Variants in SOBP observed in about 807,000 individuals in gnomAD.
SOBP encodes sine oculis-binding protein homolog.
In SOBP, 4 loss-of-function variants were observed where a neutral mutation model predicts 53.6. The observed-to-expected ratio is 0.07, with a 90% confidence interval of 0.04 to 0.17. The LOEUF (loss-of-function observed/expected upper bound fraction) is 0.17. Among genes scored for constraint, SOBP ranks in the 10% least tolerant of loss-of-function variants. The probability of loss-of-function intolerance (pLI) is 1.00; values close to 1 mark genes in which losing one functional copy is unlikely to be tolerated. For missense variants in SOBP, 1,088 were observed against 1,204.7 expected (o/e 0.90, Z 1.43); for synonymous variants, 584 against 522.6 (o/e 1.12, Z -1.60).
chr6:107,587,024 C>G (rs963426376), intron 4 of SOBP, 56 bp from the exon 5 acceptor site: 1 of 1,342,184 alleles, frequency 7.5e-7, no homozygotes, highest in African/African-American at 1.4e-5. Context: ...TGCTTTTTAG[C>G]TTTTTTTCTT....
chr6:107,654,586 A>G (rs1739880), intron 6 of SOBP, among the ~76,000 whole-genome samples: 21,988 of 152,250 alleles, frequency 0.14, 3,216 homozygotes, highest in African/African-American at 0.34. Context: ...CATATTTGAT[A>G]CTGGATTTTG....
rs1409262845 is a variant in SOBP at position 107,634,395 on chromosome 6, G to A, written c.1551G>A (p.Leu517=). The A allele has an allele frequency of 5.0e-6, 8 of 1,600,592 alleles. No homozygotes were observed. In the South Asian group the frequency reaches 8.8e-5, roughly 18 times the overall value. Residue 517 remains leucine, a synonymous_variant, in exon 6 of 7, where the codon CTG becomes CTA. Coordinates refer to ENST00000317357, the MANE Select transcript of SOBP (RefSeq NM_018013.4). This position sits in a 1 kb window ranked among gnomAD's most constrained non-coding sequence, Gnocchi z 4.5. ...MNFGLPSLAP[L]VPPPTLLVPY... is the part of the protein sequence containing the mutation. ...TCGGGCTGCCGTCGCTTGCCCCGCT[G>A]GTGCCGCCCCCGACCCTGCTCGTGC... is the stretch of plus-strand genomic sequence containing the variant.
chr6:107,611,248 C>T (rs1399466616), intron 5 of SOBP, among the ~76,000 whole-genome samples: 1 of 152,196 alleles, frequency 6.6e-6, no homozygotes, highest in Non-Finnish European at 1.5e-5. Flanking sequence ...GTTTATTATC[C>T]TTCTGAATGG....
chr6:107,568,845 A>C (rs1172012120), intron 4 of SOBP, among the ~76,000 whole-genome samples: 5 of 152,252 alleles, frequency 3.3e-5, no homozygotes, highest in Admixed American at 2.6e-4. Context: ...AGGCTGAAAC[A>C]GACTGAGAGA....
chr6:107,605,964 T>G (rs888598423), intron 5 of SOBP, among the ~76,000 whole-genome samples: 7 of 152,086 alleles, frequency 4.6e-5, no homozygotes, highest in African/African-American at 1.7e-4. Context: ...TAGGACAGCT[T>G]CAGTGAACTC....
rs376056063 is a variant in SOBP at position 107,560,181 on chromosome 6, A to G, written c.573+26571A>G. Among the ~76,000 whole-genome samples, 7 of 152,294 alleles carry G rather than the reference A, an allele frequency of 4.6e-5. No individual in the cohort carries two copies. In the East Asian group the frequency reaches 9.7e-4, roughly 21 times the overall value. ...GCCTTCACCCTACCAATCTGTTTTT[A>G]AAAAACAGGATTTCAGGAGCCTTAC... On this transcript the variant is annotated intron_variant, in intron 4 of 6. Coordinates refer to ENST00000317357, the MANE Select transcript of SOBP (RefSeq NM_018013.4).
At chr6:107,637,464 G>T (rs554028864) in intron 6 of SOBP, among the ~76,000 whole-genome samples, 8 of 152,352 alleles carry the variant, frequency 5.3e-5, no homozygotes, top group Admixed American at 6.5e-5. Context: ...ACATCTACAA[G>T]TTCTGCTGCC....
At chr6:107,540,328 A>G (rs1185608800) in intron 4 of SOBP, among the ~76,000 whole-genome samples, 1 of 152,258 alleles carries the variant, frequency 6.6e-6, no homozygotes, top group East Asian at 1.9e-4. Flanking sequence ...GCCAAGCCAT[A>G]TGTAATTCTT....
chr6:107,609,754 G>A (rs1786523527), intron 5 of SOBP, among the ~76,000 whole-genome samples: 1 of 152,076 alleles, frequency 6.6e-6, no homozygotes, highest in Non-Finnish European at 1.5e-5. Context: ...AGGAAGGCCT[G>A]CTGACAAAGC....
In SOBP at chr6:107,635,034, C is replaced by A. The variant is rs1026644252; in HGVS notation, c.2190C>A (p.Ala730=). 2.0e-5 allele frequency: 25 copies of A among 1,250,510 alleles called. No individual in the cohort carries two copies. The highest frequency in any genetic ancestry group is 3.7e-5 in the South Asian group (1 of 27,124). The allele number at this position is 1,250,510 out of a possible 1,614,324, so 77.5% of individuals were successfully genotyped here. Residue 730 remains alanine (A), a synonymous_variant, in exon 6 of 7, where the codon GCC becomes GCA. Transcript: ENST00000317357. This position sits in a 1 kb window ranked among gnomAD's most constrained non-coding sequence, Gnocchi z 4.5. The stretch of plus-strand genomic sequence containing the variant: ...TCATCGTGAACGGCACGCGCGGCGC[C>A]GCCGCCGAGGGCGCTAAGAGCGCGG... ...CNVIVNGTRG[A]AAEGAKSAEP...
intron 4 of SOBP, among the ~76,000 whole-genome samples, chr6:107,576,247 C>A (rs1785220981): frequency 6.6e-6 from 1 of 152,174 alleles, no homozygotes; most frequent in South Asian, 2.1e-4. Context: ...CATCCACTGG[C>A]AGAAGTTGCA....
intron 4 of SOBP, among the ~76,000 whole-genome samples, chr6:107,562,020 C>G (rs1489749239): frequency 6.7e-6 from 1 of 150,284 alleles, no homozygotes; most frequent in Non-Finnish European, 1.5e-5. Flanking sequence ...TTCTTAGTGG[C>G]TCCCTGGTTC....
chr6:107,555,958 A>G (rs1445267672), intron 4 of SOBP, among the ~76,000 whole-genome samples: 3 of 152,372 alleles, frequency 2.0e-5, no homozygotes, highest in African/African-American at 7.2e-5. Context: ...AAAACATCAG[A>G]CTTAATAAAC....
At chr6:107,514,666 C>T (rs531832380) in intron 3 of SOBP, 3 of 152,302 alleles carry the variant, frequency 2.0e-5, no homozygotes, top group African/African-American at 4.8e-5. Context: ...CATTTATTGG[C>T]CATGTAATCT....
At chr6:107,582,853 G>C (rs954282559) in intron 4 of SOBP, among the ~76,000 whole-genome samples, 5 of 152,196 alleles carry the variant, frequency 3.3e-5, no homozygotes, top group Non-Finnish European at 5.9e-5. Flanking sequence ...CAGTGGGGTG[G>C]TCCACTCTCA....
At chr6:107,519,192 G>A (rs1039253770) in intron 3 of SOBP, among the ~76,000 whole-genome samples, 2 of 148,190 alleles carry the variant, frequency 1.3e-5, no homozygotes, top group Admixed American at 6.8e-5. Flanking sequence ...GGTGTGACTT[G>A]GCCCCCAGGG....
At chr6:107,599,269 C>T (rs1200406521) in intron 5 of SOBP, among the ~76,000 whole-genome samples, 1 of 152,144 alleles carries the variant, frequency 6.6e-6, no homozygotes, top group Non-Finnish European at 1.5e-5. Flanking sequence ...ATATAGTGTG[C>T]TTGTCATTTA....
intron 4 of SOBP, among the ~76,000 whole-genome samples, chr6:107,540,639 C>T (rs1784124676): frequency 6.6e-6 from 1 of 152,192 alleles, no homozygotes; most frequent in Non-Finnish European, 1.5e-5. Context: ...TTAATGAATC[C>T]ATAAAGATGC....
intron 5 of SOBP, among the ~76,000 whole-genome samples, chr6:107,613,086 A>G (rs1786657649): frequency 6.6e-6 from 1 of 152,220 alleles, no homozygotes; most frequent in South Asian, 2.1e-4. Flanking sequence ...TCTTTTAACA[A>G]GCTCTCCAGG....
Sources: allele counts gnomAD v4.1 joint callset (sites outside exome capture counted in the v4.1 genomes callset), GRCh38; gene constraint gnomAD v4.1.1; non-coding constraint Gnocchi (gnomAD v3.1); transcripts MANE v1.5; gene names NCBI Gene and HGNC (gene_info 2026-07-23, HGNC 2026-07-21).